Variants in RPL32 observed in about 807,000 individuals in gnomAD.
RPL32 encodes ribosomal protein L32, also known as large ribosomal subunit protein eL32.
For synonymous variants in RPL32, 61 were observed against 62.6 expected (o/e 0.98, Z 0.12); for missense variants, 117 against 173.7 (o/e 0.67, Z 1.83).
At chr3:12,838,738 A>T (rs936080531) in intron 3 of RPL32, among the ~76,000 whole-genome samples, 6 of 152,290 alleles carry the variant, frequency 3.9e-5, no homozygotes, top group Admixed American at 6.5e-5. Flanking sequence ...TAGCCAAGAC[A>T]TTCCTTTCTA....
chr3:12,838,344 T>TG (rs1300328863), intron 3 of RPL32, among the ~76,000 whole-genome samples: 1 of 152,126 alleles, frequency 6.6e-6, no homozygotes, highest in African/African-American at 2.4e-5. Context: ...CGGTGGAGGT[T>TG]GCAGTGAGCC....
Position 12,840,245 on chromosome 3 carries a change from T to G in RPL32, c.-5-3A>C, listed in dbSNP as rs1466078362. On this transcript the variant is annotated splice_polypyrimidine_tract_variant and splice_region_variant and intron_variant, in intron 1 of 3. Coordinates refer to ENST00000429711, the MANE Select transcript of RPL32 (RefSeq NM_000994.4). ...GGGTCTGAGGGCGGCCATGATGCCT[T>G]TTGGGGAAGAAGCGGCCCCAGGTGA... 8 of 1,611,420 alleles carry G rather than the reference T, an allele frequency of 5.0e-6. No individual in the cohort carries two copies. Among genetic ancestry groups the G allele is most frequent in the Middle Eastern group, 1.7e-4 (1 of 6,060 alleles).
At position 12,836,014 on chromosome 3, in the gene RPL32, G is replaced by A. The variant is rs2062096673; in HGVS notation, c.*80C>T. On this transcript the variant is annotated 3_prime_UTR_variant, in exon 4 of 4. Transcript: ENST00000429711. ...GGCAAACTAAGTTGGCCAAGAAGCT[G>A]AAGACTTAAAATCAAGGAAGGAAGA... The A allele has an allele frequency of 6.4e-7, 1 of 1,553,030 alleles. No homozygotes were observed. The highest frequency in any genetic ancestry group is 1.4e-5 in the African/African-American group (1 of 73,692).
At chr3:12,840,103 T>C (rs1479840492) in intron 2 of RPL32, 39 bp downstream of exon 2, 2 of 1,461,790 alleles carry the variant, frequency 1.4e-6, no homozygotes, top group South Asian at 2.3e-5. Context: ...GAAACTCTTT[T>C]CTTCACCCCA....
chr3:12,836,593 A>G (rs1008314340), intron 3 of RPL32, among the ~76,000 whole-genome samples: 4 of 152,190 alleles, frequency 2.6e-5, no homozygotes, highest in Non-Finnish European at 4.4e-5. Flanking sequence ...GACCTTGCCC[A>G]TGAAGGTTCA....
At chr3:12,836,620 G>C (rs1162835991) in intron 3 of RPL32, among the ~76,000 whole-genome samples, 1 of 152,180 alleles carries the variant, frequency 6.6e-6, no homozygotes, top group Admixed American at 6.5e-5. Flanking sequence ...TTTGCAAAAT[G>C]GTCAAGAGCA....
intron 3 of RPL32, chr3:12,839,121 G>A (rs1035972819): frequency 5.9e-5 from 35 of 593,476 alleles, no homozygotes; most frequent in Non-Finnish European, 9.6e-5. Flanking sequence ...CCTGGTCTTG[G>A]GTCTCTACAC....
In RPL32 at chr3:12,840,246, T is replaced by C. The variant is rs1298572576; in HGVS notation, c.-5-4A>G. The C allele has an allele frequency of 5.6e-6, 9 of 1,610,844 alleles. No homozygotes were observed. The highest frequency in any genetic ancestry group is 1.6e-4 in the Middle Eastern group (1 of 6,082). On this transcript the variant is annotated splice_polypyrimidine_tract_variant and splice_region_variant and intron_variant, in intron 1 of 3. Transcript: ENST00000429711. ...GGTCTGAGGGCGGCCATGATGCCTT[T>C]TGGGGAAGAAGCGGCCCCAGGTGAG...
chr3:12,835,887 G>T lies in RPL32; in HGVS notation c.*207C>A. The T allele has an allele frequency of 1.7e-6, 1 of 589,314 alleles. No homozygotes were observed. The highest frequency in any genetic ancestry group is 2.9e-6 in the Non-Finnish European group (1 of 339,286). 36.5% of individuals were successfully genotyped at this position (589,314 alleles called of 1,614,324 possible). A position where few individuals can be genotyped will look rare whatever the true frequency, so the allele number is the denominator to read the frequency against. On this transcript the variant is annotated 3_prime_UTR_variant, in exon 4 of 4. Coordinates refer to ENST00000429711, the MANE Select transcript of RPL32 (RefSeq NM_000994.4). ...CTGGAGATGACTAAGGCTAGTCTGTGCACTTGAGGCCACATTCCCCTGTTC... is the reference window on the plus strand; with the variant it reads ...CTGGAGATGACTAAGGCTAGTCTGTTCACTTGAGGCCACATTCCCCTGTTC...
chr3:12,838,695 T>C (rs1323881749), intron 3 of RPL32, among the ~76,000 whole-genome samples: 1 of 152,140 alleles, frequency 6.6e-6, no homozygotes, highest in Non-Finnish European at 1.5e-5. Context: ...CCTCCTTGAA[T>C]AGGGCACTCT....
intron 1 of RPL32, 94 bp from the exon 2 acceptor site, chr3:12,840,336 C>A (rs569867218): frequency 6.5e-6 from 6 of 920,662 alleles, no homozygotes; most frequent in Non-Finnish European, 1.1e-5. Flanking sequence ...GTCTTCCAAT[C>A]GCCAGCTACG....
intron 3 of RPL32, among the ~76,000 whole-genome samples, chr3:12,837,602 T>G (rs954313547): frequency 6.6e-6 from 1 of 152,230 alleles, no homozygotes; most frequent in Non-Finnish European, 1.5e-5. Flanking sequence ...TAACAGAAAT[T>G]TTCAGCATTT....
intron 2 of RPL32, 89 bp from the exon 3 acceptor site, chr3:12,839,619 G>C: frequency 7.9e-7 from 1 of 1,272,728 alleles, no homozygotes; most frequent in Non-Finnish European, 1.2e-6. Flanking sequence ...CAAATGAAAA[G>C]GAAGTATGCC....
At chr3:12,840,040 A>G in intron 2 of RPL32, 102 bp downstream of exon 2, 2 of 963,274 alleles carry the variant, frequency 2.1e-6, no homozygotes, top group Admixed American at 1.7e-5. Context: ...CTCTTCCACA[A>G]GCCAGTTCAT....
At chr3:12,839,992 T>C (rs1185766850) in intron 2 of RPL32, 150 bp downstream of exon 2, 2 of 725,814 alleles carry the variant, frequency 2.8e-6, no homozygotes, top group Non-Finnish European at 4.9e-6. Flanking sequence ...GTACCAGCAC[T>C]AGGGCACACT....
chr3:12,835,658 A>G lies in RPL32; in HGVS notation c.*436T>C, dbSNP rs1381765082. 1 of 163,074 alleles carries G rather than the reference A, an allele frequency of 6.1e-6. No individual in the cohort carries two copies. The highest frequency in any genetic ancestry group is 1.3e-5 in the Non-Finnish European group (1 of 74,320). The allele number at this position is 163,074 out of a possible 1,614,324, so 10.1% of individuals were successfully genotyped here. A position where few individuals can be genotyped will look rare whatever the true frequency, so the allele number is the denominator to read the frequency against. On this transcript the variant is annotated 3_prime_UTR_variant, in exon 4 of 4. Transcript: ENST00000429711. ...GGATGCAATTTAGGCATCCCGTAAG[A>G]ATCTGTGTAAGAAATTCATCTGGAT...
At position 12,836,231 on chromosome 3, in the gene RPL32, A is replaced by T; in HGVS notation, c.279-8T>A. On this transcript the variant is annotated splice_region_variant and splice_polypyrimidine_tract_variant and intron_variant, in intron 3 of 3. Coordinates refer to ENST00000429711, the MANE Select transcript of RPL32 (RefSeq NM_000994.4). ...ATCTCGGCACAGTAAGATCTGCAAG[A>T]GAATCAAGTAGGTAAGGAGCAAGAC... The T allele has an allele frequency of 6.3e-7, 1 of 1,599,540 alleles. No individual in the cohort carries two copies. The highest frequency in any genetic ancestry group is 8.5e-7 in the Non-Finnish European group (1 of 1,179,740).
At position 12,836,080 on chromosome 3, in the gene RPL32, T is replaced by C; in HGVS notation, c.*14A>G. The C allele has an allele frequency of 6.2e-7, 1 of 1,610,618 alleles. No individual in the cohort carries two copies. Among genetic ancestry groups the C allele is most frequent in the South Asian group, 1.1e-5 (1 of 91,006 alleles). On this transcript the variant is annotated 3_prime_UTR_variant, in exon 4 of 4. Coordinates refer to ENST00000429711, the MANE Select transcript of RPL32 (RefSeq NM_000994.4). ...TTTACATTTATTTAAACAGAAAACGTGCACATGAGCTGCCTACTCATTTTC... is the reference window on the plus strand; with the variant it reads ...TTTACATTTATTTAAACAGAAAACGCGCACATGAGCTGCCTACTCATTTTC...
chr3:12,835,289 A>T lies in RPL32; in HGVS notation c.*805T>A, dbSNP rs2062090892. 6.6e-6 allele frequency: 1 copy of T among 152,234 alleles called. No homozygotes were observed. Among genetic ancestry groups the T allele is most frequent in the Admixed American group, 6.5e-5 (1 of 15,274 alleles). The allele number at this position is 152,234 out of a possible 1,614,324, so 9.4% of individuals were successfully genotyped here. On this transcript the variant is annotated 3_prime_UTR_variant, in exon 4 of 4. Coordinates refer to ENST00000429711, the MANE Select transcript of RPL32 (RefSeq NM_000994.4). Reference sequence around the variant, plus strand: ...AAACTACCCAGGTTTGGAGGTGTGCATCTGTAGTCCCAGCTACTTGGAAGG... The same window carrying T: ...AAACTACCCAGGTTTGGAGGTGTGCTTCTGTAGTCCCAGCTACTTGGAAGG...
Sources: gnomAD v4.1 joint callset for allele counts (sites outside exome capture counted in the v4.1 genomes callset) on GRCh38, gnomAD v4.1.1 for gene constraint, MANE v1.5 for transcripts, NCBI Gene and HGNC (gene_info 2026-07-23, HGNC 2026-07-21) for gene names.